Variants in PLXNA4 observed in about 807,000 individuals in gnomAD.
The protein encoded by PLXNA4 is plexin A4, also known as plexin-A4.
In PLXNA4, 44 loss-of-function variants were observed where a neutral mutation model predicts 191.8. The ratio of observed to expected loss-of-function variants is 0.23; its 90% CI spans 0.18 to 0.29. The LOEUF is 0.29. PLXNA4 is among the 10% of genes least tolerant of loss of function. The probability of loss-of-function intolerance (pLI) is 1.00; values close to 1 mark genes in which losing one functional copy is unlikely to be tolerated. For missense variants in PLXNA4, 1,800 were observed against 2,488.8 expected (o/e 0.72, Z 5.89); for synonymous variants, 1,082 against 1,009.5 (o/e 1.07, Z -1.36).
chr7:132,630,902 T>A (rs1235078682), intron 2 of PLXNA4, among the ~76,000 whole-genome samples: 3 of 152,240 alleles, frequency 2.0e-5, no homozygotes, highest in African/African-American at 7.2e-5. Context: ...CTGGTATTCC[T>A]CAAGAATGAC....
At chr7:132,491,086 G>A (rs1223967819) in intron 2 of PLXNA4, among the ~76,000 whole-genome samples, 1 of 152,074 alleles carries the variant, frequency 6.6e-6, no homozygotes, top group Non-Finnish European at 1.5e-5. Flanking sequence ...AGGGCTATGT[G>A]GTCTCAGAAG....
intron 3 of PLXNA4, among the ~76,000 whole-genome samples, chr7:132,377,489 C>G (rs1804707691): frequency 6.6e-6 from 1 of 151,960 alleles, no homozygotes; most frequent in Non-Finnish European, 1.5e-5. Context: ...CTCCTCTGTT[C>G]CCCTGTGCAG....
intron 1 of PLXNA4, among the ~76,000 whole-genome samples, chr7:132,563,424 TTCTC>T (rs1273813846): frequency 1.3e-5 from 1 of 77,756 alleles, no homozygotes; most frequent in African/African-American, 5.3e-5. Flanking sequence ...CTCCTCCTCC[TTCTC>T]CTTCCTCCTC....
chr7:132,569,589 A>G lies in PLXNA4; in HGVS notation c.-87+6833T>C, dbSNP rs1477137810. Among the ~76,000 whole-genome samples the G allele has an allele frequency of 2.6e-5, 4 of 152,272 alleles. No individual in the cohort carries two copies. The East Asian group carries it at 5.8e-4, about 22-fold the overall frequency. ...CGATCTAGACTAACCTCCTCATTTT[A>G]TAAACAATAAACTGAAACATAAAAT... On this transcript the variant is annotated intron_variant, in intron 1 of 31. Transcript: ENST00000321063.
intron 10 of PLXNA4, among the ~76,000 whole-genome samples, chr7:132,204,894 G>T (rs961752235): frequency 2.0e-5 from 3 of 152,216 alleles, no homozygotes; most frequent in Non-Finnish European, 4.4e-5. Context: ...AACCACGGGG[G>T]GATGTACCTC....
At chr7:132,392,577 C>T (rs752374370) in intron 3 of PLXNA4, among the ~76,000 whole-genome samples, 37 of 152,220 alleles carry the variant, frequency 2.4e-4, no homozygotes, top group Non-Finnish European at 4.9e-4. Context: ...GCCGAGTGCC[C>T]CAGAGGCTCT....
At chr7:132,135,349 C>A (rs1008469608) in intron 30 of PLXNA4, among the ~76,000 whole-genome samples, 1 of 152,132 alleles carries the variant, frequency 6.6e-6, no homozygotes, top group South Asian at 2.1e-4. Context: ...GGTGAAAAAC[C>A]CAGGTTCCCA....
At chr7:132,274,766 C>CTTTTT (rs3057256) in intron 4 of PLXNA4, among the ~76,000 whole-genome samples, 2 of 106,192 alleles carry the variant, frequency 1.9e-5, no homozygotes, top group African/African-American at 3.7e-5. Flanking sequence ...TCAGTGCATC[C>CTTTTT]TTTTTTTTTT....
chr7:132,177,175 GTGTA>G (rs144329214), intron 20 of PLXNA4, among the ~76,000 whole-genome samples: 4,367 of 152,284 alleles, frequency 0.029, 105 homozygotes, highest in South Asian at 0.074. Flanking sequence ...GCACGAGTGA[GTGTA>G]TGTGAGTGTG....
intron 12 of PLXNA4, among the ~76,000 whole-genome samples, chr7:132,199,458 T>C (rs935081662): frequency 6.6e-6 from 1 of 152,122 alleles, no homozygotes; most frequent in Non-Finnish European, 1.5e-5. Flanking sequence ...CAAAAACCCA[T>C]GATTAAAATG....
intron 2 of PLXNA4, among the ~76,000 whole-genome samples, chr7:132,501,009 G>C (rs970809991): frequency 6.6e-6 from 1 of 152,198 alleles, no homozygotes; most frequent in South Asian, 2.1e-4. Context: ...TCCAGATCTG[G>C]ATTGTTAAGT....
At chr7:132,381,791 G>T (rs1010117258) in intron 3 of PLXNA4, among the ~76,000 whole-genome samples, 4 of 152,166 alleles carry the variant, frequency 2.6e-5, no homozygotes, top group African/African-American at 7.2e-5. Context: ...AATGGAGAGC[G>T]CCAGGAGCCC....
chr7:132,303,495 G>A (rs900224078), intron 3 of PLXNA4, among the ~76,000 whole-genome samples: 5 of 152,082 alleles, frequency 3.3e-5, no homozygotes, highest in African/African-American at 1.2e-4. Flanking sequence ...CTTAAACCTG[G>A]GAGGCGGAGG....
intron 3 of PLXNA4, among the ~76,000 whole-genome samples, chr7:132,341,078 G>A (rs1585012355): frequency 1.3e-5 from 2 of 152,268 alleles, no homozygotes; most frequent in Admixed American, 1.3e-4. Context: ...GGGGCATGAG[G>A]TTTAGAACTG....
chr7:132,196,557 A>C (rs1228124284), intron 13 of PLXNA4, among the ~76,000 whole-genome samples: 1 of 152,178 alleles, frequency 6.6e-6, no homozygotes, highest in Non-Finnish European at 1.5e-5. Flanking sequence ...ATCACTTCTG[A>C]GTTTTTACTA....
At chr7:132,332,994 C>T (rs150437581) in intron 3 of PLXNA4, among the ~76,000 whole-genome samples, 2 of 152,324 alleles carry the variant, frequency 1.3e-5, no homozygotes, top group East Asian at 3.9e-4. Context: ...TTCTTGCTCT[C>T]TCTCACTCAC....
intron 27 of PLXNA4, 55 bp downstream of exon 27, chr7:132,147,845 G>T (rs1795481235): frequency 1.9e-6 from 3 of 1,611,300 alleles, no homozygotes; most frequent in South Asian, 2.2e-5. Flanking sequence ...CTGCTGTCAT[G>T]ACAACAGCTG....
At chr7:132,339,687 G>A (rs1401348108) in intron 3 of PLXNA4, among the ~76,000 whole-genome samples, 2 of 152,004 alleles carry the variant, frequency 1.3e-5, no homozygotes, top group Admixed American at 1.3e-4. Flanking sequence ...GCCCCACCCT[G>A]GATACAATAA....
intron 10 of PLXNA4, among the ~76,000 whole-genome samples, chr7:132,209,672 G>C (rs1204360916): frequency 6.6e-6 from 1 of 152,122 alleles, no homozygotes; most frequent in East Asian, 1.9e-4. Flanking sequence ...GCCTCTCTGA[G>C]CTCCATTTCC....
Sources: allele counts gnomAD v4.1 joint callset (sites outside exome capture counted in the v4.1 genomes callset), GRCh38; gene constraint gnomAD v4.1.1; transcripts MANE v1.5; gene names NCBI Gene and HGNC (gene_info 2026-07-23, HGNC 2026-07-21).